The following HECW2 variants were observed in gnomAD, a reference collection of about 807,000 sequenced individuals.
HECW2 encodes the protein HECT, C2 and WW domain containing E3 ubiquitin protein ligase 2, also known as E3 ubiquitin-protein ligase HECW2.
In HECW2, 61 loss-of-function variants were observed where a neutral mutation model predicts 175.2. The observed-to-expected ratio is 0.35, with a 90% CI of 0.28 to 0.43. HECW2 has a LOEUF of 0.43. HECW2 is among the 20% of genes least tolerant of loss of function. HECW2 has a pLI of 1.00. For missense variants in HECW2, 1,524 were observed against 2,000.5 expected (o/e 0.76, Z 4.54); for synonymous variants, 671 against 731.0 (o/e 0.92, Z 1.32).
chr2:196,358,585 CAAAAAAAAAAAAAAAA>C (rs144181608), intron 2 of HECW2, among the ~76,000 whole-genome samples: 17 of 67,332 alleles, frequency 2.5e-4, no homozygotes, highest in African/African-American at 7.0e-4. Context: ...GACTCTGTCT[CAAAAAAAAAAAAAAAA>C]AAAAAAAAAA....
chr2:196,368,097 C>G (rs1693799024), intron 2 of HECW2, among the ~76,000 whole-genome samples: 1 of 152,050 alleles, frequency 6.6e-6, no homozygotes, highest in African/African-American at 2.4e-5. Context: ...GTGCAGATAT[C>G]TCTTCGATAT....
chr2:196,299,301 A>T (rs1298280177), intron 13 of HECW2, among the ~76,000 whole-genome samples: 1 of 147,760 alleles, frequency 6.8e-6, no homozygotes, highest in Non-Finnish European at 1.5e-5. Flanking sequence ...AAAAGGAAAC[A>T]CGATAAAAAC....
chr2:196,475,286 A>G (rs1171602980), intron 1 of HECW2, among the ~76,000 whole-genome samples: 1 of 150,052 alleles, frequency 6.7e-6, no homozygotes, highest in African/African-American at 2.4e-5. Context: ...TCAGCTGCAA[A>G]TAATGGTAGG....
chr2:196,274,057 C>T lies in HECW2; in HGVS notation c.3202G>A (p.Val1068Ile). The change falls in exon 16 of 29, where the codon GTC (valine) becomes ATC (isoleucine). Residue 1068 changes from valine (V) to isoleucine (I), a missense_variant. Physicochemically the swap from Val to Ile is conservative, Grantham distance 29. Coordinates refer to ENST00000644978, the MANE Select transcript of HECW2 (RefSeq NM_001348768.2). The stretch of plus-strand genomic sequence containing the variant: ...ATGTCCTGGTACTGTGGCCTACTGA[C>T]TGTATTGAATGTACTGGATGGCCTG... ...LPRPSSTFNT[V>I]SRPQYQDMVP... 1.9e-6 allele frequency: 3 copies of T among 1,614,022 alleles called. No individual in the cohort carries two copies. The highest frequency in any genetic ancestry group is 1.7e-5 in the Admixed American group (1 of 60,008).
At chr2:196,260,624 AC>A (rs1689252181) in intron 17 of HECW2, 1 of 152,206 alleles carries the variant, frequency 6.6e-6, no homozygotes, top group African/African-American at 2.4e-5. Flanking sequence ...CCCGGTCTAA[AC>A]AGTTCTTTAT....
At chr2:196,499,209 C>T (rs1013977120) in intron 1 of HECW2, among the ~76,000 whole-genome samples, 5 of 151,828 alleles carry the variant, frequency 3.3e-5, no homozygotes, top group African/African-American at 1.2e-4. Context: ...GCAAGAAGAA[C>T]CCATTGGGCT....
At chr2:196,415,023 C>T (rs932246175) in intron 2 of HECW2, among the ~76,000 whole-genome samples, 3 of 152,086 alleles carry the variant, frequency 2.0e-5, no homozygotes, top group African/African-American at 7.2e-5. Flanking sequence ...GACAGCCATA[C>T]CCAAAGTCCA....
chr2:196,362,152 C>T, intron 2 of HECW2: 1 of 985,448 alleles, frequency 1.0e-6, no homozygotes, highest in Non-Finnish European at 1.2e-6. Flanking sequence ...TTCATCAAGA[C>T]TTATCACTGT....
At chr2:196,592,144 T>A (rs1178652167) in intron 1 of HECW2, among the ~76,000 whole-genome samples, 1 of 152,208 alleles carries the variant, frequency 6.6e-6, no homozygotes, top group Non-Finnish European at 1.5e-5. Context: ...TTTCACACTT[T>A]CACAAAGGTA....
intron 13 of HECW2, among the ~76,000 whole-genome samples, chr2:196,297,360 G>C (rs892733461): frequency 6.6e-6 from 1 of 152,134 alleles, no homozygotes; most frequent in Non-Finnish European, 1.5e-5. Context: ...GTGGAGTTTT[G>C]TTAAATAACA....
In HECW2 at chr2:196,219,978, T is replaced by C. The variant is rs565418326; in HGVS notation, c.4408+61A>G. The C allele has an allele frequency of 9.8e-6, 11 of 1,124,110 alleles. No homozygotes were observed. The South Asian group carries it at 1.0e-4, about 10-fold the overall frequency. The allele number at this position is 1,124,110 out of a possible 1,614,324, so 69.6% of individuals were successfully genotyped here. On this transcript the variant is annotated intron_variant, in intron 26 of 28. Transcript: ENST00000644978. ...CCTGTCCTATATTCAGTTGGCAAGC[T>C]GAACCATGCCTTCCTTTAATTTGAA...
chr2:196,388,334 T>C (rs1694410102), intron 2 of HECW2, among the ~76,000 whole-genome samples: 1 of 152,166 alleles, frequency 6.6e-6, no homozygotes. Context: ...GTACAAAACG[T>C]CATTTCTAGA....
At chr2:196,519,031 A>G (rs1244221792) in intron 1 of HECW2, among the ~76,000 whole-genome samples, 1 of 152,222 alleles carries the variant, frequency 6.6e-6, no homozygotes, top group Non-Finnish European at 1.5e-5. Context: ...GAATTGTTTC[A>G]ACTATTTCCC....
chr2:196,306,336 G>A (rs16849311), intron 13 of HECW2, 152 bp downstream of exon 13: 37,296 of 659,592 alleles, frequency 0.057, 1,219 homozygotes, highest in Middle Eastern at 0.093. Flanking sequence ...GGACTAAACC[G>A]GTTAAAGTGT....
intron 21 of HECW2, among the ~76,000 whole-genome samples, chr2:196,228,576 A>T (rs1231303433): frequency 1.3e-5 from 2 of 152,234 alleles, no homozygotes; most frequent in African/African-American, 4.8e-5. Context: ...AAAGAGGTAA[A>T]TCTTTCGAAT....
chr2:196,244,805 G>T (rs968531556), intron 19 of HECW2, among the ~76,000 whole-genome samples: 1 of 152,212 alleles, frequency 6.6e-6, no homozygotes, highest in African/African-American at 2.4e-5. Flanking sequence ...TAGAGTGGAG[G>T]AGGAGTGCTG....
chr2:196,328,371 C>T (rs1692232342), intron 5 of HECW2, among the ~76,000 whole-genome samples: 1 of 152,084 alleles, frequency 6.6e-6, no homozygotes, highest in East Asian at 1.9e-4. Flanking sequence ...ATTTATTGGC[C>T]AAATTTGAAC....
At chr2:196,320,625 T>C (rs901179905) in intron 7 of HECW2, among the ~76,000 whole-genome samples, 186 bp from the exon 8 acceptor site, 1 of 152,242 alleles carries the variant, frequency 6.6e-6, no homozygotes, top group Non-Finnish European at 1.5e-5. Flanking sequence ...GGAACACTTA[T>C]AAACCCGGAG....
chr2:196,252,561 C>T (rs1245400619), intron 19 of HECW2, among the ~76,000 whole-genome samples: 2 of 152,174 alleles, frequency 1.3e-5, no homozygotes, highest in African/African-American at 4.8e-5. Context: ...CTCTCTCTGG[C>T]TCCCACTCTC....
Sources: allele counts gnomAD v4.1 joint callset (sites outside exome capture counted in the v4.1 genomes callset), GRCh38; gene constraint gnomAD v4.1.1; transcripts MANE v1.5; gene names NCBI Gene and HGNC (gene_info 2026-07-23, HGNC 2026-07-21).